Variants in CNTN1 observed in about 807,000 individuals in gnomAD.
The protein encoded by CNTN1 is contactin-1.
Under a neutral mutation model 126.4 loss-of-function variants are expected in CNTN1, and 38 were observed. The ratio of observed to expected loss-of-function variants is 0.30; its 90% CI spans 0.23 to 0.39. The LOEUF (loss-of-function observed/expected upper bound fraction) is 0.39. CNTN1 is among the 10% of genes least tolerant of loss of function. The pLI is 1.00. For synonymous variants in CNTN1, 413 were observed against 422.6 expected (o/e 0.98, Z 0.28); for missense variants, 1,009 against 1,248.4 (o/e 0.81, Z 2.89).
intron 23 of CNTN1, among the ~76,000 whole-genome samples, chr12:41,055,056 A>C (rs1434943529): frequency 6.6e-6 from 1 of 152,152 alleles, no homozygotes; most frequent in African/African-American, 2.4e-5. Context: ...ACTGTGTTTG[A>C]AATATAGTCT....
chr12:40,939,575 G>GT (rs879113383), intron 12 of CNTN1, 90 bp downstream of exon 12: 82 of 1,460,056 alleles, frequency 5.6e-5, no homozygotes, highest in Non-Finnish European at 7.1e-5. Context: ...TAATGAAAAT[G>GT]TTTTTTGCTC....
chr12:40,963,758 T>G (rs1338463734), intron 15 of CNTN1, among the ~76,000 whole-genome samples: 1 of 152,064 alleles, frequency 6.6e-6, no homozygotes, highest in Non-Finnish European at 1.5e-5. Flanking sequence ...ATTTCTTAGG[T>G]CCCATAAAAG....
chr12:40,924,881 C>T (rs6144688), intron 6 of CNTN1, among the ~76,000 whole-genome samples: 15 of 112,122 alleles, frequency 1.3e-4, no homozygotes, highest in South Asian at 3.0e-4. Flanking sequence ...AGTTTATAAA[C>T]ATATATATAT....
intron 1 of CNTN1, among the ~76,000 whole-genome samples, chr12:40,812,718 T>G (rs1958563): frequency 0.23 from 35,147 of 152,034 alleles, 4,708 homozygotes; most frequent in South Asian, 0.36. Context: ...TTTGTATATT[T>G]AGGGTTCCAT....
At chr12:40,790,404 A>T (rs1014616845) in intron 1 of CNTN1, among the ~76,000 whole-genome samples, 3 of 152,128 alleles carry the variant, frequency 2.0e-5, no homozygotes, top group Non-Finnish European at 2.9e-5. Context: ...CTACCAGAAG[A>T]GCTCTTAGAA....
At chr12:40,938,876 G>T (rs1267951789) in intron 11 of CNTN1, among the ~76,000 whole-genome samples, 1 of 152,088 alleles carries the variant, frequency 6.6e-6, no homozygotes, top group Non-Finnish European at 1.5e-5. Flanking sequence ...CTAGGTTCAG[G>T]TGATCCTCCA....
At chr12:40,739,637 G>A (rs1394018733) in intron 1 of CNTN1, among the ~76,000 whole-genome samples, 1 of 152,064 alleles carries the variant, frequency 6.6e-6, no homozygotes, top group Non-Finnish European at 1.5e-5. Context: ...AGAGGCTTCA[G>A]CCATATCTGT....
chr12:40,858,238 C>T (rs1250555931), intron 1 of CNTN1, among the ~76,000 whole-genome samples: 1 of 152,140 alleles, frequency 6.6e-6, no homozygotes, highest in Non-Finnish European at 1.5e-5. Context: ...TCTTCAAGGC[C>T]AGCAGGAGAC....
intron 9 of CNTN1, among the ~76,000 whole-genome samples, chr12:40,935,112 G>GTA (rs2136924366): frequency 6.6e-6 from 1 of 152,032 alleles, no homozygotes; most frequent in South Asian, 2.1e-4. Context: ...GACACACTCT[G>GTA]TACCCTGAAT....
chr12:41,054,158 C>G (rs960966622), intron 23 of CNTN1, among the ~76,000 whole-genome samples: 6 of 151,672 alleles, frequency 4.0e-5, no homozygotes, highest in Admixed American at 2.6e-4. Context: ...GCCTTAAAGT[C>G]TCTATACTAT....
chr12:41,056,961 TA>T (rs1459280943), intron 23 of CNTN1, among the ~76,000 whole-genome samples: 3 of 101,694 alleles, frequency 3.0e-5, no homozygotes, highest in Admixed American at 9.9e-5. Flanking sequence ...TAGATATTTA[TA>T]AATATTATAA....
At chr12:40,746,530 T>C (rs1478628134) in intron 1 of CNTN1, among the ~76,000 whole-genome samples, 1 of 152,072 alleles carries the variant, frequency 6.6e-6, no homozygotes, top group Non-Finnish European at 1.5e-5. Flanking sequence ...GGAAGGAAAG[T>C]ACTTTGGAAG....
At chr12:40,906,636 A>G (rs1239483373) in intron 1 of CNTN1, among the ~76,000 whole-genome samples, 1 of 149,602 alleles carries the variant, frequency 6.7e-6, no homozygotes, top group Non-Finnish European at 1.5e-5. Context: ...GAACACTACA[A>G]CATGTGTTTT....
chr12:40,728,208 T>C lies in CNTN1; in HGVS notation c.-77+35616T>C, dbSNP rs913148673. 2.0e-5 allele frequency among the ~76,000 whole-genome samples: 3 copies of C among 152,142 alleles called. No homozygotes were observed. The East Asian group carries it at 5.8e-4, about 29-fold the overall frequency. Reference sequence around the variant, plus strand: ...GTAGTATAAGTAAGAAAAGGCTTTGTTTTTTTCATGAAACAGGAAGTCCAG... The same window carrying C: ...GTAGTATAAGTAAGAAAAGGCTTTGCTTTTTTCATGAAACAGGAAGTCCAG... On this transcript the variant is annotated intron_variant, in intron 1 of 23. Coordinates refer to ENST00000551295, the MANE Select transcript of CNTN1 (RefSeq NM_001843.4).
chr12:40,877,186 C>G (rs1195904151), intron 1 of CNTN1, among the ~76,000 whole-genome samples: 1 of 152,166 alleles, frequency 6.6e-6, no homozygotes, highest in African/African-American at 2.4e-5. Flanking sequence ...AAGTATCTAA[C>G]TCTGGGCTCA....
chr12:40,833,843 G>A (rs1038228190), intron 1 of CNTN1, among the ~76,000 whole-genome samples: 7 of 152,252 alleles, frequency 4.6e-5, no homozygotes, highest in Admixed American at 6.5e-5. Context: ...CATTTACTTT[G>A]TCAAACAACT....
At chr12:40,834,158 A>C (rs1472120495) in intron 1 of CNTN1, among the ~76,000 whole-genome samples, 1 of 152,208 alleles carries the variant, frequency 6.6e-6, no homozygotes, top group Non-Finnish European at 1.5e-5. Context: ...CGTGCTTTGA[A>C]GAATATGTAT....
chr12:41,035,657 A>G (rs1030805450), intron 23 of CNTN1, among the ~76,000 whole-genome samples: 1 of 152,198 alleles, frequency 6.6e-6, no homozygotes, highest in Admixed American at 6.5e-5. Context: ...AGTTTTTGGT[A>G]GGATGATTAG....
At chr12:40,823,962 CT>C (rs1372823167) in intron 1 of CNTN1, among the ~76,000 whole-genome samples, 2 of 151,906 alleles carry the variant, frequency 1.3e-5, no homozygotes, top group African/African-American at 4.8e-5. Flanking sequence ...TTACATTTGC[CT>C]TGTTTAGTGC....
Sources: gnomAD v4.1 joint callset for allele counts (sites outside exome capture counted in the v4.1 genomes callset) on GRCh38, gnomAD v4.1.1 for gene constraint, MANE v1.5 for transcripts, NCBI Gene and HGNC (gene_info 2026-07-23, HGNC 2026-07-21) for gene names.